The following VWDE variants were observed in gnomAD, a reference collection of about 807,000 sequenced individuals.
VWDE encodes von Willebrand factor D and EGF domain-containing protein.
VWDE carries 207 observed loss-of-function variants against 178.4 expected under a neutral mutation model. The observed-to-expected ratio is 1.16, with a 90% CI of 1.04 to 1.30. VWDE has a LOEUF of 1.30. VWDE is among the 50% of genes most tolerant of loss of function. The probability of loss-of-function intolerance (pLI) is 0.00; values close to 1 mark genes in which losing one functional copy is unlikely to be tolerated. For missense variants in VWDE, 2,287 were observed against 1,901.3 expected (o/e 1.20, Z -3.77); for synonymous variants, 738 against 651.4 (o/e 1.13, Z -2.02).
At chr7:12,358,880 G>A (rs1229002507) in intron 16 of VWDE, among the ~76,000 whole-genome samples, 3 of 152,076 alleles carry the variant, frequency 2.0e-5, no homozygotes, top group African/African-American at 7.2e-5. Flanking sequence ...CCTAAGCAGT[G>A]AATCATCTGG....
intron 24 of VWDE, among the ~76,000 whole-genome samples, chr7:12,338,765 G>A (rs535434293): frequency 1.3e-5 from 2 of 152,214 alleles, no homozygotes; most frequent in Admixed American, 6.5e-5. Flanking sequence ...AATCCAAGAG[G>A]TGAAGCAAAT....
chr7:12,402,276 T>A (rs911627509), intron 1 of VWDE, among the ~76,000 whole-genome samples: 1 of 152,198 alleles, frequency 6.6e-6, no homozygotes, highest in Non-Finnish European at 1.5e-5. Flanking sequence ...TATACACATA[T>A]CTGTGAAAAT....
intron 27 of VWDE, 184 bp from the exon 28 acceptor site, chr7:12,333,752 C>A: frequency 2.5e-6 from 1 of 400,870 alleles, no homozygotes; most frequent in Non-Finnish European, 4.5e-6. Context: ...ACGCACACAT[C>A]AAAAACAAAG....
chr7:12,399,835 A>T (rs1360935409), intron 1 of VWDE, among the ~76,000 whole-genome samples: 2 of 152,062 alleles, frequency 1.3e-5, no homozygotes, highest in Admixed American at 6.5e-5. Flanking sequence ...AATAACATAA[A>T]ATAAAAATTG....
intron 6 of VWDE, among the ~76,000 whole-genome samples, chr7:12,378,352 A>G (rs909818459): frequency 6.6e-6 from 1 of 152,258 alleles, no homozygotes; most frequent in East Asian, 1.9e-4. Flanking sequence ...CTTTTAATAC[A>G]TAAATCAAAT....
chr7:12,358,334 A>T (rs1285766908), intron 16 of VWDE, among the ~76,000 whole-genome samples: 2 of 150,390 alleles, frequency 1.3e-5, no homozygotes, highest in African/African-American at 4.9e-5. Flanking sequence ...AGATCGTGCC[A>T]CTGCGCTCCA....
At chr7:12,361,122 G>T in intron 15 of VWDE, 25 bp downstream of exon 15, 1 of 1,376,100 alleles carries the variant, frequency 7.3e-7, no homozygotes, top group South Asian at 1.3e-5. Flanking sequence ...ATGTAAATGT[G>T]AAAATACATG....
chr7:12,349,125 T>C (rs4461794), intron 19 of VWDE, among the ~76,000 whole-genome samples: 98,018 of 151,888 alleles, frequency 0.65, 32,665 homozygotes, highest in African/African-American at 0.83. Context: ...TACTTAATGC[T>C]AGATGACGAG....
chr7:12,380,453 A>G, intron 5 of VWDE, 33 bp downstream of exon 5: 1 of 1,535,684 alleles, frequency 6.5e-7, no homozygotes. Context: ...CAATACATTC[A>G]TGAAAATAAA....
chr7:12,400,404 A>T (rs557006155), intron 1 of VWDE, among the ~76,000 whole-genome samples: 3 of 152,284 alleles, frequency 2.0e-5, no homozygotes, highest in Admixed American at 6.5e-5. Context: ...TGAAAACCTT[A>T]TTAAGGAATA....
In VWDE at chr7:12,344,102, C is replaced by T. The variant is rs987345719; in HGVS notation, c.4078+93G>A. ...TTTGATAAGAATATTTTAATATATACACAGTAAAACTGAATTGTCTTGTAA... is the reference window on the plus strand; with the variant it reads ...TTTGATAAGAATATTTTAATATATATACAGTAAAACTGAATTGTCTTGTAA... On this transcript the variant is annotated intron_variant, in intron 21 of 28. Coordinates refer to ENST00000275358, the MANE Select transcript of VWDE (RefSeq NM_001135924.3). 1.3e-5 allele frequency: 12 copies of T among 954,832 alleles called. No individual in the cohort carries two copies. The African/African-American group carries it at 1.3e-4, about 11-fold the overall frequency. The allele number at this position is 954,832 out of a possible 1,614,324, so 59.1% of individuals were successfully genotyped here.
chr7:12,340,535 C>T, intron 23 of VWDE, 118 bp from the exon 24 acceptor site: 1 of 660,478 alleles, frequency 1.5e-6, no homozygotes, highest in Non-Finnish European at 2.5e-6. Flanking sequence ...CAAGTAAAGC[C>T]CATAATGTAT....
At chr7:12,378,021 A>G in intron 6 of VWDE, 101 bp from the exon 7 acceptor site, 2 of 862,270 alleles carry the variant, frequency 2.3e-6, no homozygotes, top group Admixed American at 7.8e-5. Flanking sequence ...ATTTTACTAA[A>G]TAATAACTTA....
intron 8 of VWDE, 88 bp from the exon 9 acceptor site, chr7:12,374,850 T>G: frequency 8.7e-7 from 1 of 1,145,788 alleles, no homozygotes; most frequent in South Asian, 1.6e-5. Flanking sequence ...CAACAAACTT[T>G]CAATTAATTA....
chr7:12,337,146 T>G, intron 25 of VWDE, 31 bp downstream of exon 25: 1 of 1,551,160 alleles, frequency 6.4e-7, no homozygotes, highest in African/African-American at 1.4e-5. Context: ...GCTTTAGCTG[T>G]AGTTGACAAA....
chr7:12,356,566 T>A (rs947028369), intron 17 of VWDE, among the ~76,000 whole-genome samples: 8 of 151,686 alleles, frequency 5.3e-5, no homozygotes, highest in Non-Finnish European at 1.2e-4. Flanking sequence ...GGATAACTTT[T>A]CTAAAAAAAA....
intron 24 of VWDE, among the ~76,000 whole-genome samples, chr7:12,338,250 C>A: frequency 6.6e-6 from 1 of 151,750 alleles, no homozygotes; most frequent in African/African-American, 2.4e-5. Context: ...AGATAATTTC[C>A]AGTATTTTAG....
intron 13 of VWDE, among the ~76,000 whole-genome samples, chr7:12,365,230 A>G (rs565139397): frequency 5.9e-5 from 9 of 152,200 alleles, no homozygotes; most frequent in African/African-American, 2.2e-4. Context: ...ACAACTGGTA[A>G]ATTTACAGAA....
intron 3 of VWDE, 160 bp downstream of exon 3, chr7:12,388,966 AT>A (rs1562515790): frequency 1.4e-6 from 1 of 733,662 alleles, no homozygotes; most frequent in South Asian, 1.5e-5. Flanking sequence ...CCCTAAAGAA[AT>A]TTGACCAATG....
Sources: allele counts gnomAD v4.1 joint callset (sites outside exome capture counted in the v4.1 genomes callset), GRCh38; gene constraint gnomAD v4.1.1; transcripts MANE v1.5; gene names NCBI Gene and HGNC (gene_info 2026-07-23, HGNC 2026-07-21).